The following PHEX variants were observed in gnomAD, a reference collection of about 807,000 sequenced individuals.
PHEX encodes the protein phosphate regulating endopeptidase X-linked, also known as phosphate-regulating neutral endopeptidase PHEX.
In PHEX, 16 loss-of-function variants were observed where a neutral mutation model predicts 68.0. The observed-to-expected ratio is 0.24, with a 90% CI of 0.16 to 0.36. The LOEUF (loss-of-function observed/expected upper bound fraction) is 0.36, where lower values mean the gene tolerates loss of function less well. Among genes scored for constraint, PHEX ranks in the 10% least tolerant of loss-of-function variants. The probability of loss-of-function intolerance (pLI) is 1.00; values close to 1 mark genes in which losing one functional copy is unlikely to be tolerated. For synonymous variants in PHEX, 208 were observed against 205.1 expected, an observed-to-expected ratio of 1.01 and a Z score of -0.12; for missense variants, 480 against 575.5, an observed-to-expected ratio of 0.83 and a Z score of 1.70.
chrX:22,075,238 A>G (rs1184380355), intron 3 of PHEX, among the ~76,000 whole-genome samples: 2 of 105,957 alleles, frequency 1.9e-5, no homozygotes, highest in East Asian at 6.1e-4. Context: ...GACTTGTTTT[A>G]GGTACAGGTA....
chrX:22,073,581 T>G (rs1929003853), intron 3 of PHEX, among the ~76,000 whole-genome samples: 1 of 108,762 alleles, frequency 9.2e-6, no homozygotes, highest in African/African-American at 3.4e-5. Flanking sequence ...TCAAATTTGA[T>G]GATCAGAAGA....
At chrX:22,174,065 A>G (rs1415191131) in intron 13 of PHEX, among the ~76,000 whole-genome samples, 1 of 111,702 alleles carries the variant, frequency 9.0e-6, no homozygotes, top group Non-Finnish European at 1.9e-5. Flanking sequence ...TAGTCTGTGG[A>G]TCTGGGATAG....
chrX:22,240,442 C>T (rs1366213515), intron 20 of PHEX, among the ~76,000 whole-genome samples: 1 of 112,017 alleles, frequency 8.9e-6, no homozygotes, highest in East Asian at 2.8e-4. Flanking sequence ...CACAGACTGG[C>T]AAATTGGATA....
chrX:22,049,867 A>C (rs931470543), intron 3 of PHEX, among the ~76,000 whole-genome samples: 1 of 111,792 alleles, frequency 8.9e-6, no homozygotes, highest in African/African-American at 3.3e-5. Context: ...CTGTCTCAAA[A>C]AAAAAAAAAG....
chrX:22,101,858 AT>A (rs763593219), intron 9 of PHEX, among the ~76,000 whole-genome samples: 6 of 111,235 alleles, frequency 5.4e-5, no homozygotes, highest in Non-Finnish European at 1.1e-4. Context: ...AGCCTATCTC[AT>A]TTTCTTGAAA....
At chrX:22,126,860 AGTT>A (rs1931745723) in intron 11 of PHEX, among the ~76,000 whole-genome samples, 2 of 88,686 alleles carry the variant, frequency 2.3e-5, no homozygotes, top group African/African-American at 9.4e-5. Flanking sequence ...AATCTGAAAT[AGTT>A]GTTTTTTTTT....
At chrX:22,167,064 G>A (rs912702643) in intron 12 of PHEX, among the ~76,000 whole-genome samples, 1 of 111,526 alleles carries the variant, frequency 9.0e-6, no homozygotes, top group African/African-American at 3.3e-5. Context: ...AGACATTTAG[G>A]TTAATTCCAT....
chrX:22,062,293 T>C (rs1390587406), intron 3 of PHEX, among the ~76,000 whole-genome samples: 1 of 111,435 alleles, frequency 9.0e-6, no homozygotes, highest in East Asian at 2.8e-4. Flanking sequence ...CCTATAAAGA[T>C]ACCTTCCAGA....
chrX:22,182,986 A>G (rs1056287541), intron 14 of PHEX, among the ~76,000 whole-genome samples: 7 of 111,582 alleles, frequency 6.3e-5, no homozygotes, highest in Admixed American at 1.9e-4. Context: ...TTTGTTGACA[A>G]TGTTGTCCAG....
At chrX:22,113,460 A>G (rs993421247) in intron 10 of PHEX, among the ~76,000 whole-genome samples, 2 of 111,427 alleles carry the variant, frequency 1.8e-5, no homozygotes, top group Non-Finnish European at 3.8e-5. Flanking sequence ...CACTATATTT[A>G]TTTCTCTGCT....
intron 9 of PHEX, among the ~76,000 whole-genome samples, chrX:22,108,355 A>C (rs1260237951): frequency 9.0e-6 from 1 of 111,161 alleles, no homozygotes; most frequent in Non-Finnish European, 1.9e-5. Context: ...GAGACTCAGA[A>C]GCAGGGAGGG....
At position 22,135,405 on chromosome X, in the gene PHEX, G is replaced by A. The variant is rs2285067; in HGVS notation, c.1404+1781G>A. Among the ~76,000 whole-genome samples the A allele has an allele frequency of 2.7e-3, 305 of 112,294 alleles. 9 individuals are homozygous for A. In the South Asian group the frequency reaches 0.077, roughly 28 times the overall value. Reference sequence around the variant, plus strand: ...GCAGTTGAGCGCTTAGTGTATTAAGGGCTCTTTATCCTCGCCTGACCCCAC... The same window carrying A: ...GCAGTTGAGCGCTTAGTGTATTAAGAGCTCTTTATCCTCGCCTGACCCCAC... On this transcript the variant is annotated intron_variant, in intron 12 of 21. Coordinates refer to ENST00000379374, the MANE Select transcript of PHEX (RefSeq NM_000444.6).
intron 13 of PHEX, among the ~76,000 whole-genome samples, chrX:22,177,045 C>T (rs1483601198): frequency 9.0e-6 from 1 of 110,882 alleles, no homozygotes; most frequent in Non-Finnish European, 1.9e-5. Flanking sequence ...TATTTTACTC[C>T]TTCCTTTATA....
At chrX:22,033,995 G>A (rs1206628615) in intron 1 of PHEX, among the ~76,000 whole-genome samples, 2 of 112,230 alleles carry the variant, frequency 1.8e-5, no homozygotes, top group African/African-American at 6.5e-5. Context: ...ATTTTGGCAG[G>A]GGTAAACCAG....
intron 11 of PHEX, among the ~76,000 whole-genome samples, chrX:22,124,534 C>G (rs1418304789): frequency 8.9e-6 from 1 of 111,996 alleles, no homozygotes; most frequent in Non-Finnish European, 1.9e-5. Context: ...TCCAACAGAT[C>G]TGAATGTTGG....
At chrX:22,180,318 C>T (rs893204112) in intron 14 of PHEX, among the ~76,000 whole-genome samples, 1 of 111,182 alleles carries the variant, frequency 9.0e-6, no homozygotes, top group Admixed American at 9.6e-5. Flanking sequence ...TCCACCAGGC[C>T]CTCACTGGTC....
chrX:22,242,357 A>G (rs1936247272), intron 20 of PHEX, among the ~76,000 whole-genome samples: 1 of 111,987 alleles, frequency 8.9e-6, no homozygotes, highest in African/African-American at 3.2e-5. Flanking sequence ...ATTCCCTTTG[A>G]AAACCAGCAC....
intron 5 of PHEX, among the ~76,000 whole-genome samples, chrX:22,088,529 TA>T (rs1157856144): frequency 9.0e-6 from 1 of 111,649 alleles, no homozygotes. Context: ...ATTGTGGGTT[TA>T]ATTTACATTT....
chrX:22,216,492 CTTATTTA>C, intron 16 of PHEX, among the ~76,000 whole-genome samples: 1 of 88,052 alleles, frequency 1.1e-5, no homozygotes, highest in Non-Finnish European at 2.2e-5. Flanking sequence ...TTTTTTTATG[CTTATTTA>C]TTTATTTATT....
Sources: gnomAD v4.1 joint callset for allele counts (sites outside exome capture counted in the v4.1 genomes callset) on GRCh38, gnomAD v4.1.1 for gene constraint, MANE v1.5 for transcripts, NCBI Gene and HGNC (gene_info 2026-07-23, HGNC 2026-07-21) for gene names.